DGLUCY: variants seen among roughly 807,000 people sequenced by gnomAD.
DGLUCY encodes D-glutamate cyclase, mitochondrial.
In DGLUCY, 58 loss-of-function variants were observed where a neutral mutation model predicts 58.5. The observed-to-expected ratio is 0.99, with a 90% CI of 0.80 to 1.23. The LOEUF (loss-of-function observed/expected upper bound fraction) is 1.23, where lower values mean the gene tolerates loss of function less well. DGLUCY is among the 50% of genes most tolerant of loss of function. The pLI is 0.00. For synonymous variants in DGLUCY, 325 were observed against 314.1 expected, an observed-to-expected ratio of 1.03 and a Z score of -0.37; for missense variants, 779 against 784.7, an observed-to-expected ratio of 0.99 and a Z score of 0.09.
At chr14:91,133,508 G>A (rs757182861) in intron 1 of DGLUCY, among the ~76,000 whole-genome samples, 41 of 152,094 alleles carry the variant, frequency 2.7e-4, no homozygotes, top group Non-Finnish European at 1.9e-4. Flanking sequence ...TATACCAGAA[G>A]TGGAATTACT....
chr14:91,088,611 C>T (rs755141469), intron 1 of DGLUCY, among the ~76,000 whole-genome samples: 1 of 152,172 alleles, frequency 6.6e-6, no homozygotes, highest in Non-Finnish European at 1.5e-5. Flanking sequence ...GCTTTCAGGA[C>T]AGAGATAGGG....
At chr14:91,196,526 G>T in intron 10 of DGLUCY, 52 bp downstream of exon 10, 2 of 1,459,148 alleles carry the variant, frequency 1.4e-6, no homozygotes, top group Non-Finnish European at 1.9e-6. Flanking sequence ...ACGCCCATAT[G>T]CTCTTCACTT....
chr14:91,100,656 G>A (rs1478118949), intron 1 of DGLUCY, among the ~76,000 whole-genome samples: 1 of 152,202 alleles, frequency 6.6e-6, no homozygotes, highest in Non-Finnish European at 1.5e-5. Flanking sequence ...GTAATAAGGT[G>A]TGGTCCCCAG....
chr14:91,189,730 A>G (rs2049751299), intron 9 of DGLUCY: 1 of 156,882 alleles, frequency 6.4e-6, no homozygotes, highest in African/African-American at 2.4e-5. Flanking sequence ...GTTATCAGGC[A>G]TGAGCTGGAA....
intron 1 of DGLUCY, among the ~76,000 whole-genome samples, chr14:91,095,473 G>A (rs727022): frequency 0.28 from 42,639 of 152,038 alleles, 7,011 homozygotes; most frequent in African/African-American, 0.45. Flanking sequence ...TGGCTATGAC[G>A]TGCACTCCAT....
intron 1 of DGLUCY, among the ~76,000 whole-genome samples, chr14:91,084,114 G>T (rs895227669): frequency 6.6e-6 from 1 of 152,010 alleles, no homozygotes; most frequent in African/African-American, 2.4e-5. Context: ...TGAATGAGGG[G>T]TGCTGCCTGG....
At chr14:91,104,064 T>TTTTTTTTCTTTC (rs1555391196), upstream of DGLUCY, among the ~76,000 whole-genome samples, 960 of 113,950 alleles carry the variant, frequency 8.4e-3, 34 homozygotes, top group South Asian at 0.024. Context: ...AAACATTCTT[T>TTTTTTTTCTTTC]TTTTTTTTTT....
At chr14:91,204,589 C>G in intron 11 of DGLUCY, 117 bp from the exon 12 acceptor site, 2 of 1,375,962 alleles carry the variant, frequency 1.5e-6, no homozygotes, top group East Asian at 5.0e-5. Flanking sequence ...GAAAATATAT[C>G]CAGAGCCAAC....
rs1190795236 is a variant in DGLUCY at position 91,193,567 on chromosome 14, G to T, written c.1196-2808G>T. On this transcript the variant is annotated intron_variant, in intron 9 of 13. Coordinates refer to ENST00000256324, the MANE Select transcript of DGLUCY (RefSeq NM_001102368.3). ...AGGAAAAGTTTTAAAGAGGCTGAGT[G>T]CAGTGGCTCACCCCTGTAATCCCAG... 2.6e-5 allele frequency among the ~76,000 whole-genome samples: 4 copies of T among 152,278 alleles called. No homozygotes were observed. The East Asian group carries it at 5.8e-4, about 22-fold the overall frequency.
intron 1 of DGLUCY, among the ~76,000 whole-genome samples, chr14:91,130,230 A>T (rs1006573245): frequency 5.9e-5 from 9 of 151,928 alleles, no homozygotes; most frequent in Non-Finnish European, 8.8e-5. Context: ...CAACCCCACA[A>T]GTGTGGCCTG....
intron 1 of DGLUCY, among the ~76,000 whole-genome samples, chr14:91,083,555 C>A (rs909405840): frequency 5.3e-5 from 8 of 151,090 alleles, no homozygotes; most frequent in African/African-American, 2.0e-4. Context: ...GAGAACGATC[C>A]GTAAAAGAGC....
intron 1 of DGLUCY, among the ~76,000 whole-genome samples, chr14:91,061,727 T>C (rs996708991): frequency 5.3e-5 from 8 of 152,106 alleles, no homozygotes; most frequent in Admixed American, 3.9e-4. Context: ...TAAGGTTAGA[T>C]GAAAGTATGA....
intron 1 of DGLUCY, among the ~76,000 whole-genome samples, chr14:91,135,276 G>T (rs937671727): frequency 6.6e-6 from 1 of 152,060 alleles, no homozygotes; most frequent in Admixed American, 6.6e-5. Context: ...TACACAGGCT[G>T]GTATAATATG....
intron 1 of DGLUCY, among the ~76,000 whole-genome samples, chr14:91,125,111 C>T (rs1410125267): frequency 6.6e-6 from 1 of 152,180 alleles, no homozygotes; most frequent in East Asian, 1.9e-4. Flanking sequence ...CCAATGGAAA[C>T]TGGACACAGC....
At chr14:91,219,200 T>A (rs1285862) in intron 13 of DGLUCY, among the ~76,000 whole-genome samples, 33,251 of 150,370 alleles carry the variant, frequency 0.22, 4,059 homozygotes, top group Non-Finnish European at 0.26. Context: ...GAAAAAAAAA[T>A]TTTGAAAAAA....
chr14:91,130,904 A>G (rs759135899), intron 1 of DGLUCY, among the ~76,000 whole-genome samples: 2 of 151,828 alleles, frequency 1.3e-5, no homozygotes, highest in Non-Finnish European at 2.9e-5. Flanking sequence ...TTGATTAATG[A>G]GAGTTCTTTA....
chr14:91,127,268 G>T (rs2045760795), intron 1 of DGLUCY, among the ~76,000 whole-genome samples: 1 of 152,022 alleles, frequency 6.6e-6, no homozygotes, highest in South Asian at 2.1e-4. Context: ...TGTTGCCCAG[G>T]CTGGTCTTGA....
At chr14:91,201,168 G>T (rs572631104) in intron 11 of DGLUCY, among the ~76,000 whole-genome samples, 2 of 152,274 alleles carry the variant, frequency 1.3e-5, no homozygotes, top group African/African-American at 4.8e-5. Flanking sequence ...CGATGGTGGA[G>T]TGTCATCAGT....
At chr14:91,184,764 C>G (rs2049400631) in intron 8 of DGLUCY, among the ~76,000 whole-genome samples, 1 of 152,088 alleles carries the variant, frequency 6.6e-6, no homozygotes, top group South Asian at 2.1e-4. Flanking sequence ...AACTAAATTT[C>G]TTGCTGAACC....
Sources: allele counts gnomAD v4.1 joint callset (sites outside exome capture counted in the v4.1 genomes callset), GRCh38; gene constraint gnomAD v4.1.1; transcripts MANE v1.5; gene names NCBI Gene and HGNC (gene_info 2026-07-23, HGNC 2026-07-21).